CAPRIN1: variants seen among roughly 807,000 people sequenced by gnomAD.
CAPRIN1 encodes the protein cell cycle associated protein 1, also known as caprin-1.
A neutral mutation model predicts 100.9 loss-of-function variants in CAPRIN1; 29 were observed. That is an observed-to-expected ratio of 0.29 (90% CI 0.21 to 0.39). CAPRIN1 has a LOEUF of 0.39. CAPRIN1 is among the 10% of genes least tolerant of loss of function. The probability of loss-of-function intolerance (pLI) is 1.00; values close to 1 mark genes in which losing one functional copy is unlikely to be tolerated. For missense variants in CAPRIN1, 795 were observed against 876.7 expected (o/e 0.91, Z 1.18); for synonymous variants, 338 against 307.5 (o/e 1.10, Z -1.04).
intron 15 of CAPRIN1, 91 bp downstream of exon 15, chr11:34,092,147 T>TC (rs1851276532): frequency 5.5e-6 from 7 of 1,278,088 alleles, no homozygotes; most frequent in Non-Finnish European, 7.5e-6. Context: ...AGTGGTGGTG[T>TC]CCAAGAGTTT....
intron 14 of CAPRIN1, among the ~76,000 whole-genome samples, 161 bp downstream of exon 14, chr11:34,090,839 A>T (rs1851250059): frequency 1.3e-5 from 2 of 152,232 alleles, no homozygotes; most frequent in African/African-American, 4.8e-5. Flanking sequence ...TCCAGAGATT[A>T]ACTGATACTA....
intron 2 of CAPRIN1, among the ~76,000 whole-genome samples, chr11:34,054,894 A>G (rs1850416686): frequency 6.6e-6 from 1 of 152,332 alleles, no homozygotes. Flanking sequence ...AACATTAATG[A>G]TTAGTGATAT....
chr11:34,076,398 A>G lies in CAPRIN1; in HGVS notation c.529A>G (p.Ile177Val), dbSNP rs1019888137. Residue 177 changes from isoleucine to valine, a missense_variant, in exon 5 of 19, where the codon ATA becomes GTA. Physicochemically the swap from Ile to Val is conservative, Grantham distance 29. Coordinates refer to ENST00000341394, the MANE Select transcript of CAPRIN1 (RefSeq NM_005898.5). The part of the protein sequence containing the change: ...DLKQGLNGVP[I>V]LSEEELSLLD... ...GAAACAAGGTTTGAATGGAGTGCCA[A>G]TATTGTCCGAAGAGGAGTTGTCATT... 8 of 1,614,218 alleles carry G rather than the reference A, an allele frequency of 5.0e-6. No homozygotes were observed. The highest frequency in any genetic ancestry group is 2.2e-5 in the East Asian group (1 of 44,880).
chr11:34,054,767 C>G (rs1850412981), intron 2 of CAPRIN1, among the ~76,000 whole-genome samples: 1 of 152,182 alleles, frequency 6.6e-6, no homozygotes, highest in South Asian at 2.1e-4. Flanking sequence ...GCTGATCTGG[C>G]TGCTACTTGA....
At chr11:34,058,182 A>G (rs924478958) in intron 2 of CAPRIN1, among the ~76,000 whole-genome samples, 7 of 151,814 alleles carry the variant, frequency 4.6e-5, no homozygotes, top group Non-Finnish European at 8.8e-5. Context: ...GTCGCCCAGG[A>G]CTGGAGTGCA....
At chr11:34,067,202 T>C (rs1850715913) in intron 2 of CAPRIN1, among the ~76,000 whole-genome samples, 2 of 152,250 alleles carry the variant, frequency 1.3e-5, no homozygotes, top group African/African-American at 4.8e-5. Flanking sequence ...AGTGTTGGGA[T>C]TACAGGTGTG....
chr11:34,098,612 AG>A, intron 18 of CAPRIN1: 1 of 985,372 alleles, frequency 1.0e-6, no homozygotes, highest in Non-Finnish European at 1.2e-6. Flanking sequence ...GCCAGGAAAA[AG>A]GTACATTTTT....
chr11:34,075,162 T>G (rs572556060), intron 4 of CAPRIN1, among the ~76,000 whole-genome samples: 1 of 152,326 alleles, frequency 6.6e-6, no homozygotes, highest in South Asian at 2.1e-4. Context: ...AGATATTTAT[T>G]CTGCACACTC....
At chr11:34,086,511 CTGT>C (rs1176406389) in intron 11 of CAPRIN1, 98 bp downstream of exon 11, 8 of 678,756 alleles carry the variant, frequency 1.2e-5, no homozygotes, top group Non-Finnish European at 2.0e-5. Flanking sequence ...ATTTTAATGA[CTGT>C]TTAATTTTGA....
chr11:34,090,409 ATTTGAGTTTGTTAATACATATAAG>A lies in CAPRIN1; in HGVS notation c.1405-113_1405-90del, dbSNP rs537282804. ...TGGACCTACTTTGCTTTCATGAAATATTTGAGTTTGTTAATACATATAAGTTTGAGATTAATTTACCACTTTAGT... is the reference window on the plus strand; with the variant it reads ...TGGACCTACTTTGCTTTCATGAAATATTTGAGATTAATTTACCACTTTAGT... On this transcript the variant is annotated intron_variant, in intron 13 of 18. Transcript: ENST00000341394. The A allele has an allele frequency of 2.4e-4, 312 of 1,325,620 alleles. No individual in the cohort carries two copies. In the African/African-American group the frequency reaches 4.1e-3, roughly 17 times the overall value. The allele number at this position is 1,325,620 out of a possible 1,614,324, so 82.1% of individuals were successfully genotyped here.
chr11:34,102,129 T>C lies in CAPRIN1; in HGVS notation c.*2762T>C, dbSNP rs1382912489. 1.3e-5 allele frequency among the ~76,000 whole-genome samples: 2 copies of C among 152,200 alleles called. No individual in the cohort carries two copies. Among genetic ancestry groups the C allele is most frequent in the South Asian group, 4.1e-4 (2 of 4,834 alleles). On this transcript the variant is annotated 3_prime_UTR_variant, in exon 19 of 19. Transcript: ENST00000341394. Reference sequence around the variant, plus strand: ...TAGCTTCTACAGTTCTTTTGTCTCCTTTTATATGCAGCTCTTACGTGGGAG... The same window carrying C: ...TAGCTTCTACAGTTCTTTTGTCTCCCTTTATATGCAGCTCTTACGTGGGAG...
Position 34,090,610 on chromosome 11 carries a change from G to A in CAPRIN1, c.1486G>A (p.Gly496Arg). 6.2e-7 allele frequency: 1 copy of A among 1,614,102 alleles called. No individual in the cohort carries two copies. The highest frequency in any genetic ancestry group is 8.5e-7 in the Non-Finnish European group (1 of 1,179,976). The change falls in exon 14 of 19, where the codon GGG becomes AGG. Residue 496 changes from glycine to arginine, a missense_variant. Coordinates refer to ENST00000341394, the MANE Select transcript of CAPRIN1 (RefSeq NM_005898.5). ...GTCTCAGCCTCAAGTATTTCAGGCT[G>A]GGACAAGCAAACCTTTACATAGCAG... ...AASQPQVFQA[G>R]TSKPLHSSGI...
In CAPRIN1 at chr11:34,090,154, C is replaced by T. The variant is rs139940434; in HGVS notation, c.1294-25C>T. The stretch of plus-strand genomic sequence containing the variant: ...AGTCAATTTTGTAAGCAGGAAGAAG[C>T]TTTTATTTCTTTACTTATGTCTAGG... On this transcript the variant is annotated intron_variant, in intron 12 of 18. Coordinates refer to ENST00000341394, the MANE Select transcript of CAPRIN1 (RefSeq NM_005898.5). 2.0e-6 allele frequency: 3 copies of T among 1,471,942 alleles called. No homozygotes were observed. In the African/African-American group the frequency reaches 4.2e-5, roughly 21 times the overall value. The allele number at this position is 1,471,942 out of a possible 1,614,324, so 91.2% of individuals were successfully genotyped here.
intron 15 of CAPRIN1, among the ~76,000 whole-genome samples, chr11:34,094,577 C>T (rs992688587): frequency 3.3e-5 from 5 of 151,984 alleles, no homozygotes; most frequent in Admixed American, 6.6e-5. Flanking sequence ...TTGGGAGGCC[C>T]ACTTGAGACC....
intron 2 of CAPRIN1, among the ~76,000 whole-genome samples, chr11:34,069,991 A>G (rs1346625807): frequency 6.6e-6 from 1 of 151,900 alleles, no homozygotes; most frequent in African/African-American, 2.4e-5. Context: ...GCCCTTTATT[A>G]GAATTTAACT....
chr11:34,072,604 T>G (rs1253641943), intron 4 of CAPRIN1, among the ~76,000 whole-genome samples: 1 of 152,206 alleles, frequency 6.6e-6, no homozygotes, highest in Non-Finnish European at 1.5e-5. Context: ...CAAACTGATG[T>G]GCTCCTATAT....
intron 2 of CAPRIN1, among the ~76,000 whole-genome samples, chr11:34,056,053 T>C (rs1488434306): frequency 6.6e-6 from 1 of 152,240 alleles, no homozygotes; most frequent in East Asian, 1.9e-4. Flanking sequence ...GCATTTCTAA[T>C]GCACTAAAAT....
At chr11:34,089,339 G>T in intron 11 of CAPRIN1, 56 bp from the exon 12 acceptor site, 2 of 744,786 alleles carry the variant, frequency 2.7e-6, no homozygotes, top group Non-Finnish European at 2.1e-6. Context: ...GTATTTAGAC[G>T]CGTCTCTCTA....
At chr11:34,064,504 T>C (rs757349305) in intron 2 of CAPRIN1, among the ~76,000 whole-genome samples, 3 of 152,244 alleles carry the variant, frequency 2.0e-5, no homozygotes, top group Non-Finnish European at 4.4e-5. Flanking sequence ...CCATATCCTT[T>C]TCCTTATCAT....
Sources: gnomAD v4.1 joint callset for allele counts (sites outside exome capture counted in the v4.1 genomes callset) on GRCh38, gnomAD v4.1.1 for gene constraint, MANE v1.5 for transcripts, NCBI Gene and HGNC (gene_info 2026-07-23, HGNC 2026-07-21) for gene names.